Variants in DIPK1A observed in about 807,000 individuals in gnomAD.
DIPK1A encodes the protein divergent protein kinase domain 1A.
DIPK1A carries 27 observed loss-of-function variants against 40.8 expected under a neutral mutation model. The observed-to-expected ratio is 0.66, with a 90% CI of 0.49 to 0.91. DIPK1A has a LOEUF of 0.91. Among genes scored for constraint, DIPK1A ranks in the 40% least tolerant of loss-of-function variants. The pLI is 0.00. For synonymous variants in DIPK1A, 166 were observed against 171.3 expected (o/e 0.97, Z 0.24); for missense variants, 412 against 505.7 (o/e 0.81, Z 1.78).
At chr1:92,870,544 T>C (rs1281019830) in intron 2 of DIPK1A, among the ~76,000 whole-genome samples, 2 of 152,212 alleles carry the variant, frequency 1.3e-5, no homozygotes, top group Non-Finnish European at 2.9e-5. Flanking sequence ...GATTTTTAAA[T>C]ACAGCCTCAC....
At chr1:92,941,907 T>C (rs1651164609) in intron 1 of DIPK1A, among the ~76,000 whole-genome samples, 1 of 151,930 alleles carries the variant, frequency 6.6e-6, no homozygotes, top group African/African-American at 2.4e-5. Flanking sequence ...AGAGAATTGC[T>C]TGAACCCAGG....
chr1:92,844,847 A>G (rs1687520334), intron 4 of DIPK1A, among the ~76,000 whole-genome samples: 1 of 152,156 alleles, frequency 6.6e-6, no homozygotes, highest in Non-Finnish European at 1.5e-5. Flanking sequence ...AAATGGCCAA[A>G]TAAAAAATTT....
At chr1:92,906,106 G>A (rs1344310243) in intron 1 of DIPK1A, among the ~76,000 whole-genome samples, 1 of 151,816 alleles carries the variant, frequency 6.6e-6, no homozygotes, top group Non-Finnish European at 1.5e-5. Flanking sequence ...GGCTATTCTG[G>A]GTCTTCTGTG....
intron 4 of DIPK1A, chr1:92,836,546 A>G: frequency 2.9e-6 from 2 of 699,530 alleles, no homozygotes; most frequent in Non-Finnish European, 5.0e-6. Flanking sequence ...TAGGGCAGGA[A>G]GGAATTATAG....
chr1:92,885,040 C>T (rs980850447), intron 1 of DIPK1A, among the ~76,000 whole-genome samples: 1 of 152,122 alleles, frequency 6.6e-6, no homozygotes, highest in African/African-American at 2.4e-5. Context: ...ATTCATGTGA[C>T]TCCTAGACAC....
At chr1:92,922,683 T>C (rs1414842089) in intron 1 of DIPK1A, among the ~76,000 whole-genome samples, 3 of 152,250 alleles carry the variant, frequency 2.0e-5, no homozygotes, top group Non-Finnish European at 4.4e-5. Context: ...TTGATTTGTC[T>C]TTCAGTCAAT....
At chr1:92,871,930 G>A (rs1409260281) in intron 2 of DIPK1A, among the ~76,000 whole-genome samples, 1 of 152,052 alleles carries the variant, frequency 6.6e-6, no homozygotes, top group African/African-American at 2.4e-5. Context: ...ACATTGGTGT[G>A]CCAGAATCCA....
intron 1 of DIPK1A, chr1:92,876,975 C>T: frequency 1.0e-6 from 1 of 985,156 alleles, no homozygotes; most frequent in Non-Finnish European, 1.2e-6. Flanking sequence ...GCTTTATGTT[C>T]CTCTTGTTCA....
chr1:92,892,717 A>T (rs1026464480), intron 1 of DIPK1A, among the ~76,000 whole-genome samples: 4 of 150,122 alleles, frequency 2.7e-5, no homozygotes, highest in African/African-American at 7.3e-5. Context: ...TAAAGGAGGA[A>T]GTTCGAACCC....
chr1:92,895,917 G>A (rs1446299518), intron 1 of DIPK1A, among the ~76,000 whole-genome samples: 1 of 151,982 alleles, frequency 6.6e-6, no homozygotes, highest in African/African-American at 2.4e-5. Flanking sequence ...GCTTCAAAGA[G>A]AATAAAATAC....
At chr1:92,849,945 G>A (rs1036089658) in intron 3 of DIPK1A, among the ~76,000 whole-genome samples, 16 of 151,844 alleles carry the variant, frequency 1.1e-4, no homozygotes, top group African/African-American at 3.4e-4. Flanking sequence ...CCCGTGCCAC[G>A]GGCCCGGCTG....
At chr1:92,896,820 C>A (rs1484492594) in intron 1 of DIPK1A, among the ~76,000 whole-genome samples, 1 of 151,520 alleles carries the variant, frequency 6.6e-6, no homozygotes, top group African/African-American at 2.4e-5. Flanking sequence ...AAAAAACAAA[C>A]AACCCCATCA....
chr1:92,902,113 T>G (rs1557477544), intron 1 of DIPK1A, among the ~76,000 whole-genome samples: 1 of 152,116 alleles, frequency 6.6e-6, no homozygotes, highest in Non-Finnish European at 1.5e-5. Context: ...GGATGCCACT[T>G]CACCTTAGGT....
At chr1:92,862,930 T>C (rs371958317) in intron 2 of DIPK1A, among the ~76,000 whole-genome samples, 1 of 152,360 alleles carries the variant, frequency 6.6e-6, no homozygotes, top group East Asian at 1.9e-4. Flanking sequence ...GAAAGCCTTC[T>C]GGGACCTTCT....
At chr1:92,897,519 G>C (rs1328680134) in intron 1 of DIPK1A, among the ~76,000 whole-genome samples, 6 of 152,116 alleles carry the variant, frequency 3.9e-5, no homozygotes, top group Admixed American at 1.3e-4. Context: ...GGTGGGCGGA[G>C]GGGGGAGGGA....
chr1:92,933,201 G>T (rs951507384), intron 1 of DIPK1A: 2 of 151,898 alleles, frequency 1.3e-5, no homozygotes, highest in Admixed American at 6.6e-5. Flanking sequence ...TAGAAGGAAA[G>T]AAATAATAAA....
rs926988736 is a variant in DIPK1A at position 92,898,099 on chromosome 1, AAAAAAAACAAAAAACAAACAAAC to A, written c.55-21692_55-21670del. On this transcript the variant is annotated intron_variant, in intron 1 of 4. Transcript: ENST00000370310. ...GGGCAACAGAGCGAGACTCCATCTC[AAAAAAAACAAAAAACAAACAAAC>A]AAAAAAAACAAGAGGTTTAATTGGC... Among the ~76,000 whole-genome samples, 11 of 16,456 alleles carry A rather than the reference AAAAAAAACAAAAAACAAACAAAC, an allele frequency of 6.7e-4. No individual in the cohort carries two copies. In the East Asian group the frequency reaches 0.12, roughly 187 times the overall value. The allele number at this position is 16,456 out of a possible 152,430, so 10.8% of individuals were successfully genotyped here. A position where few individuals can be genotyped will look rare whatever the true frequency, so the allele number is the denominator to read the frequency against.
At chr1:92,896,882 C>G (rs1398430330) in intron 1 of DIPK1A, among the ~76,000 whole-genome samples, 3 of 151,768 alleles carry the variant, frequency 2.0e-5, no homozygotes, top group Non-Finnish European at 2.9e-5. Flanking sequence ...GACATTTATG[C>G]AGCCAAAAGA....
intron 1 of DIPK1A, among the ~76,000 whole-genome samples, chr1:92,919,737 G>A (rs1263113361): frequency 6.6e-6 from 1 of 152,190 alleles, no homozygotes; most frequent in Non-Finnish European, 1.5e-5. Flanking sequence ...TAAAGAAATG[G>A]AGGGAGGGAG....
Sources: gnomAD v4.1 joint callset for allele counts (sites outside exome capture counted in the v4.1 genomes callset) on GRCh38, gnomAD v4.1.1 for gene constraint, MANE v1.5 for transcripts, NCBI Gene and HGNC (gene_info 2026-07-23, HGNC 2026-07-21) for gene names.